TPP2: variants seen among roughly 807,000 people sequenced by gnomAD.
TPP2 encodes tripeptidyl-peptidase 2.
A neutral mutation model predicts 155.9 loss-of-function variants in TPP2; 34 were observed. That is an observed-to-expected ratio of 0.22 (90% CI 0.17 to 0.29). The LOEUF is 0.29. Among genes scored for constraint, TPP2 ranks in the 10% least tolerant of loss-of-function variants. The pLI is 1.00. For synonymous variants in TPP2, 510 were observed against 529.4 expected, an observed-to-expected ratio of 0.96 and a Z score of 0.50; for missense variants, 1,028 against 1,522.3, an observed-to-expected ratio of 0.68 and a Z score of 5.40.
chr13:102,642,040 G>T (rs2139524098), intron 16 of TPP2, among the ~76,000 whole-genome samples: 1 of 152,196 alleles, frequency 6.6e-6, no homozygotes, highest in East Asian at 1.9e-4. Context: ...GAGAAGTCTG[G>T]GTTTGGATCC....
At chr13:102,651,258 C>CA (rs1435010415) in intron 23 of TPP2, 101 bp from the exon 24 acceptor site, 1 of 1,361,186 alleles carries the variant, frequency 7.3e-7, no homozygotes, top group African/African-American at 1.5e-5. Context: ...AGTGGTGTAA[C>CA]ACAGGTGGAA....
chr13:102,647,420 G>T, intron 21 of TPP2, 76 bp downstream of exon 21: 2 of 1,527,710 alleles, frequency 1.3e-6, no homozygotes, highest in East Asian at 2.3e-5. Flanking sequence ...TTCTTGTTAT[G>T]GTAATGTTCA....
intron 14 of TPP2, 150 bp downstream of exon 14, chr13:102,637,389 T>C: frequency 1.2e-6 from 1 of 829,990 alleles, no homozygotes; most frequent in Non-Finnish European, 1.8e-6. Flanking sequence ...TCTTCTGGTG[T>C]GTCTATATTC....
rs996150977 is a variant in TPP2 at position 102,646,404 on chromosome 13, T to A, written c.2490+14T>A. 1.3e-6 allele frequency: 2 copies of A among 1,594,172 alleles called. No individual in the cohort carries two copies. Among genetic ancestry groups the A allele is most frequent in the South Asian group, 2.2e-5 (2 of 88,938 alleles). ...AACTTTCATCAAGTAAGTGTTTGCC[T>A]AGTAAAGTGTACCCTTAGGATGAAC... On this transcript the variant is annotated intron_variant, in intron 20 of 29. Coordinates refer to ENST00000376052, the MANE Select transcript of TPP2 (RefSeq NM_001330588.2).
chr13:102,617,785 G>A (rs778647729), intron 4 of TPP2, among the ~76,000 whole-genome samples: 3 of 152,078 alleles, frequency 2.0e-5, no homozygotes, highest in Non-Finnish European at 4.4e-5. Context: ...AATATTTTTA[G>A]TACTCTCTTA....
Position 102,638,311 on chromosome 13 carries a change from G to C in TPP2, c.1909G>C (p.Ala637Pro), listed in dbSNP as rs774194874. The C allele has an allele frequency of 3.0e-5, 48 of 1,612,422 alleles. No homozygotes were observed. Among genetic ancestry groups the C allele is most frequent in the Non-Finnish European group, 3.6e-5 (43 of 1,179,840 alleles). Residue 637 changes from alanine (A) to proline (P), a missense_variant, in exon 15 of 30, where the codon GCA becomes CCA. Physicochemically the swap from Ala to Pro is conservative, Grantham distance 27. Around this residue, in one of 7 missense-constraint regions of TPP2, gnomAD observed 325 missense variants for 463.7 expected, o/e 0.70. Transcript: ENST00000376052. Reference sequence around the variant, plus strand: ...AGTTCCGATCACTGCAGTTATAGCAGCAAAGTAAGTAACAGGTTACTCACA... The same window carrying C: ...AGTTCCGATCACTGCAGTTATAGCACCAAAGTAAGTAACAGGTTACTCACA... Reference protein sequence around the residue: ...FRVPITAVIAAKVNESSHYDL... With the variant: ...FRVPITAVIAPKVNESSHYDL...
rs10530428 is a variant in TPP2 at position 102,652,397 on chromosome 13, CATATATATATATATATATATAT to C, written c.2991+1036_2991+1057del. ...CCTGTCTCAAAACAAAACATACATACATATATATATATATATATATATATATATATATATATATATATATATA... is the reference window on the plus strand; with the variant it reads ...CCTGTCTCAAAACAAAACATACATACATATATATATATATATATATATATA... On this transcript the variant is annotated intron_variant, in intron 24 of 29. Transcript: ENST00000376052. Among the ~76,000 whole-genome samples, 379 of 125,514 alleles carry C rather than the reference CATATATATATATATATATATAT, an allele frequency of 3.0e-3. 8 individuals are homozygous for C. The highest frequency in any genetic ancestry group is 0.026 in the East Asian group (110 of 4,276). 82.3% of individuals were successfully genotyped at this position (125,514 alleles called of 152,430 possible). A position where few individuals can be genotyped will look rare whatever the true frequency, so the allele number is the denominator to read the frequency against.
At chr13:102,648,400 A>G (rs900867852) in intron 21 of TPP2, among the ~76,000 whole-genome samples, 1 of 151,596 alleles carries the variant, frequency 6.6e-6, no homozygotes, top group Non-Finnish European at 1.5e-5. Context: ...CTAAAAGGAA[A>G]TAAGGATTAC....
chr13:102,676,688 C>T (rs1019627919), intron 29 of TPP2, among the ~76,000 whole-genome samples: 3 of 152,132 alleles, frequency 2.0e-5, no homozygotes, highest in Non-Finnish European at 4.4e-5. Flanking sequence ...ATTTTGTAAC[C>T]GTAGAAGCCA....
intron 2 of TPP2, among the ~76,000 whole-genome samples, chr13:102,611,981 T>C (rs1458975509): frequency 1.3e-5 from 2 of 152,246 alleles, no homozygotes; most frequent in Non-Finnish European, 2.9e-5. Context: ...CCTTCGTTTT[T>C]GGATGCTTCC....
chr13:102,630,920 A>G (rs1881972586), intron 10 of TPP2, among the ~76,000 whole-genome samples: 2 of 152,256 alleles, frequency 1.3e-5, no homozygotes, highest in South Asian at 2.1e-4. Context: ...TGGGCAAGGC[A>G]TAAACGAACA....
intron 10 of TPP2, among the ~76,000 whole-genome samples, chr13:102,630,566 A>T (rs1052005812): frequency 6.6e-6 from 1 of 152,188 alleles, no homozygotes; most frequent in Non-Finnish European, 1.5e-5. Context: ...GCTTTTATAA[A>T]GCATCACAGT....
chr13:102,674,521 T>C, intron 28 of TPP2, 31 bp downstream of exon 28: 3 of 1,610,212 alleles, frequency 1.9e-6, no homozygotes, highest in Non-Finnish European at 2.5e-6. Context: ...TTCAGCAAAG[T>C]TCTTGGGGTT....
chr13:102,627,527 GTATATT>G (rs1881714092), intron 7 of TPP2, among the ~76,000 whole-genome samples: 2 of 151,740 alleles, frequency 1.3e-5, no homozygotes, highest in Non-Finnish European at 2.9e-5. Context: ...ACGTAGGAAA[GTATATT>G]TAATTTTAGT....
chr13:102,645,727 C>T (rs936149898), intron 19 of TPP2, among the ~76,000 whole-genome samples: 1 of 152,226 alleles, frequency 6.6e-6, no homozygotes, highest in Non-Finnish European at 1.5e-5. Context: ...TTATGTTTCA[C>T]TGACATTTTA....
chr13:102,600,086 G>A (rs914254146), intron 1 of TPP2, among the ~76,000 whole-genome samples: 6 of 151,048 alleles, frequency 4.0e-5, no homozygotes, highest in Admixed American at 2.6e-4. Context: ...AAATTGAATG[G>A]TATATATGAG....
At chr13:102,668,311 T>C (rs1206460560) in intron 27 of TPP2, among the ~76,000 whole-genome samples, 2 of 152,202 alleles carry the variant, frequency 1.3e-5, no homozygotes, top group African/African-American at 4.8e-5. Flanking sequence ...TCTTTCCCTC[T>C]AACTTTTACC....
rs1465879837 is a variant in TPP2, at chr13:102,679,790, A to G, written c.*1474A>G. The G allele has an allele frequency of 6.6e-6, 1 of 152,238 alleles. No individual in the cohort carries two copies. Among genetic ancestry groups the G allele is most frequent in the Non-Finnish European group, 1.5e-5 (1 of 68,050 alleles). 9.4% of individuals were successfully genotyped at this position (152,238 alleles called of 1,614,324 possible). A position where few individuals can be genotyped will look rare whatever the true frequency, so the allele number is the denominator to read the frequency against. Reference sequence around the variant, plus strand: ...TCAGTAAAGGTAGGATGACTTCCCAAGGTTATACGGCTGATCAACTGTTGG... The same window carrying G: ...TCAGTAAAGGTAGGATGACTTCCCAGGGTTATACGGCTGATCAACTGTTGG... On this transcript the variant is annotated 3_prime_UTR_variant, in exon 30 of 30. Coordinates refer to ENST00000376052, the MANE Select transcript of TPP2 (RefSeq NM_001330588.2).
chr13:102,663,597 AGT>A, intron 25 of TPP2, 49 bp from the exon 26 acceptor site: 1 of 1,278,790 alleles, frequency 7.8e-7, no homozygotes. Context: ...GAAGACAAAT[AGT>A]CTTTTTAAAA....
Sources: allele counts gnomAD v4.1 joint callset (sites outside exome capture counted in the v4.1 genomes callset), GRCh38; gene constraint gnomAD v4.1.1; regional missense constraint gnomAD v4.1.1; transcripts MANE v1.5; gene names NCBI Gene and HGNC (gene_info 2026-07-23, HGNC 2026-07-21).